The following DUOX2 variants were observed in gnomAD, a reference collection of about 807,000 sequenced individuals.
DUOX2 encodes the protein dual oxidase 2.
Under a neutral mutation model 183.3 loss-of-function variants are expected in DUOX2, and 185 were observed. The ratio of observed to expected loss-of-function variants is 1.01; its 90% CI spans 0.90 to 1.14. The LOEUF (loss-of-function observed/expected upper bound fraction) is 1.14, where lower values mean the gene tolerates loss of function less well. Among genes scored for constraint, DUOX2 ranks in the 50% most tolerant of loss-of-function variants. DUOX2 has a pLI of 0.00. For synonymous variants in DUOX2, 788 were observed against 812.4 expected, an observed-to-expected ratio of 0.97 and a Z score of 0.51; for missense variants, 1,999 against 2,022.9, an observed-to-expected ratio of 0.99 and a Z score of 0.23.
At chr15:45,101,575 T>C (rs1292758392) in intron 21 of DUOX2, 1 of 650,790 alleles carries the variant, frequency 1.5e-6, no homozygotes, top group East Asian at 2.7e-5. Flanking sequence ...TTGAGCAGTG[T>C]GTAGGATAGA....
In DUOX2 at chr15:45,108,948, G is replaced by A. The variant is rs139464830; in HGVS notation, c.1239C>T (p.Tyr413=). Residue 413 remains tyrosine, a synonymous_variant, in exon 12 of 34, where the codon TAC becomes TAT. Transcript: ENST00000389039. ...DNIVVEDLRD[Y]WPGPGKFSRT... is the part of the protein sequence containing the mutation. ...GGGAGAATTTGCCAGGGCCAGGCCA[G>A]TAATCTGAAGAGGAGAGAAGACTAG... 1.4e-4 allele frequency: 223 copies of A among 1,614,220 alleles called. 1 individual carries two copies. The African/African-American group carries it at 2.7e-3, about 20-fold the overall frequency.
At chr15:45,098,339 G>A (rs1010098701) in intron 26 of DUOX2, among the ~76,000 whole-genome samples, 1 of 152,176 alleles carries the variant, frequency 6.6e-6, no homozygotes, top group Non-Finnish European at 1.5e-5. Context: ...CTCCATGAGG[G>A]CAGGGATTTT....
At chr15:45,108,318 C>T (rs766982173) in intron 12 of DUOX2, 96 bp from the exon 13 acceptor site, 14 of 1,426,444 alleles carry the variant, frequency 9.8e-6, no homozygotes, top group Non-Finnish European at 1.4e-5. Flanking sequence ...CAGCCGCTGC[C>T]TGGCTGCTGC....
At position 45,100,085 on chromosome 15, in the gene DUOX2, G is replaced by A. The variant is rs777959469; in HGVS notation, c.3149C>T (p.Ala1050Val). 2.7e-5 allele frequency: 43 copies of A among 1,614,242 alleles called. No homozygotes were observed. Among genetic ancestry groups the A allele is most frequent in the Non-Finnish European group, 3.6e-5 (43 of 1,180,044 alleles). ...ATCTGCAAACACGCCAACACAGATG[G>A]CCGAGAAGATTGCCACACACACGAT... The part of the protein sequence containing the change: ...RHIVCVAIFS[A>V]ICVGVFADRA... The change falls in exon 24 of 34, where the codon GCC becomes GTC. Residue 1050 changes from alanine to valine, a missense_variant. By Grantham distance (64) the Ala-to-Val change is moderately conservative. Around this residue, in one of 3 missense-constraint regions of DUOX2, gnomAD observed 1,628 missense variants for 1,608.6 expected, o/e 1.01. Transcript: ENST00000389039.
rs1439124083 is a variant in DUOX2 at position 45,095,973 on chromosome 15, G to A, written c.3935C>T (p.Thr1312Ile). ...CAGTGTGAAGGGGTGGTACTCGGTG[G>A]TCCCCAGAGCCAGGCAGGCGATCCG... The part of the protein sequence containing the change: ...WVRIACLALG[T>I]TEYHPFTLTS... Residue 1312 changes from threonine to isoleucine, a missense_variant, in exon 30 of 34, where the codon ACC becomes ATC. Thr to Ile is a moderately conservative substitution (Grantham distance 89). This residue lies in a region of DUOX2 where 1,628 missense variants were observed against 1,608.6 expected (regional missense o/e 1.01). Coordinates refer to ENST00000389039, the MANE Select transcript of DUOX2 (RefSeq NM_001363711.2). 1.9e-6 allele frequency: 3 copies of A among 1,613,930 alleles called. No homozygotes were observed. The highest frequency in any genetic ancestry group is 2.7e-5 in the African/African-American group (2 of 74,862).
At position 45,112,601 on chromosome 15, in the gene DUOX2, G is replaced by T. The variant is rs766731683; in HGVS notation, c.278C>A (p.Ala93Asp). 1 of 1,612,896 alleles carries T rather than the reference G, an allele frequency of 6.2e-7. No individual in the cohort carries two copies. Among genetic ancestry groups the T allele is most frequent in the South Asian group, 1.1e-5 (1 of 91,072 alleles). Residue 93 changes from alanine to aspartate, a missense_variant, in exon 4 of 34, where the codon GCC (alanine) becomes GAC (aspartate). This residue lies in a region of DUOX2 where 356 missense variants were observed against 356.4 expected (regional missense o/e 1.00). Coordinates refer to ENST00000389039, the MANE Select transcript of DUOX2 (RefSeq NM_001363711.2). Reference sequence around the variant, plus strand: ...GCGGTTGTGGAGCGACGGCAGGCCGGCTATGCCCCGCGTGGCTGCGTTGCT... The same window carrying T: ...GCGGTTGTGGAGCGACGGCAGGCCGTCTATGCCCCGCGTGGCTGCGTTGCT... ...RLSNAATRGI[A>D]GLPSLHNRTV... is the part of the protein sequence containing the mutation.
Position 45,101,318 on chromosome 15 carries a change from C to T in DUOX2, c.2852-44G>A, listed in dbSNP as rs1434650262. The stretch of plus-strand genomic sequence containing the variant: ...GGCAGGACTGGCTTCCCCACAAGGG[C>T]AGTGGGGTAGGATGGGAGACTGTGC... On this transcript the variant is annotated intron_variant, in intron 21 of 33. Coordinates refer to ENST00000389039, the MANE Select transcript of DUOX2 (RefSeq NM_001363711.2). 9 of 1,545,490 alleles carry T rather than the reference C, an allele frequency of 5.8e-6. No individual in the cohort carries two copies. In the South Asian group the frequency reaches 6.8e-5, roughly 12 times the overall value.
chr15:45,108,643 T>C, intron 12 of DUOX2, 146 bp downstream of exon 12: 1 of 929,918 alleles, frequency 1.1e-6, no homozygotes, highest in South Asian at 1.5e-5. Flanking sequence ...ATTTACCAAC[T>C]ATGTCATCAG....
At chr15:45,100,516 G>A (rs1367878025) in intron 23 of DUOX2, 1 of 610,440 alleles carries the variant, frequency 1.6e-6, no homozygotes, top group East Asian at 2.8e-5. Flanking sequence ...AAGCAGGCAG[G>A]AGCCAGGAGA....
chr15:45,109,309 C>T, intron 11 of DUOX2: 1 of 601,450 alleles, frequency 1.7e-6, no homozygotes, highest in Non-Finnish European at 2.9e-6. Context: ...AATACTCAGA[C>T]ATAGTTAATT....
chr15:45,103,906 T>C, intron 20 of DUOX2, 54 bp downstream of exon 20: 3 of 1,598,338 alleles, frequency 1.9e-6, no homozygotes, highest in South Asian at 1.1e-5. Context: ...TGGACCTGTT[T>C]TCCTGTTTGA....
At position 45,109,938 on chromosome 15, in the gene DUOX2, A is replaced by G. The variant is rs1193576910; in HGVS notation, c.1083T>C (p.Phe361=). ...CHFRKVLNKG[F]QSSQALRVCN... is the part of the protein sequence containing the mutation. ...AGACCCTGAGAGCTTGGGAGCTTTGAAAACCCTTGTTCAGGACCTTCCGGA... is the reference window on the plus strand; with the variant it reads ...AGACCCTGAGAGCTTGGGAGCTTTGGAAACCCTTGTTCAGGACCTTCCGGA... The change falls in exon 10 of 34, where the codon TTT becomes TTC. Residue 361 remains phenylalanine (F), a synonymous_variant. Transcript: ENST00000389039. 6.2e-7 allele frequency: 1 copy of G among 1,613,992 alleles called. No homozygotes were observed. The highest frequency in any genetic ancestry group is 1.3e-5 in the African/African-American group (1 of 74,914).
chr15:45,109,657 C>G, intron 10 of DUOX2, 31 bp from the exon 11 acceptor site: 1 of 1,609,134 alleles, frequency 6.2e-7, no homozygotes, highest in Non-Finnish European at 8.5e-7. Context: ...CAAGATAGGC[C>G]TCTACCCAAA....
At chr15:45,105,090 G>C (rs772507922) in intron 18 of DUOX2, among the ~76,000 whole-genome samples, 3 of 152,206 alleles carry the variant, frequency 2.0e-5, no homozygotes, top group Non-Finnish European at 4.4e-5. Flanking sequence ...CAAAGTGCTG[G>C]GATTATAGGC....
In DUOX2 at chr15:45,112,701, G is replaced by C. The variant is rs771388706; in HGVS notation, c.178C>G (p.Arg60Gly). Residue 60 changes from arginine (R) to glycine (G), a missense_variant, in exon 4 of 34, where the codon CGC becomes GGC. Physicochemically the swap from Arg to Gly is moderately radical, Grantham distance 125 (BLOSUM62 -2). Around this residue, in one of 3 missense-constraint regions of DUOX2, gnomAD observed 356 missense variants for 356.4 expected, o/e 1.00. Coordinates refer to ENST00000389039, the MANE Select transcript of DUOX2 (RefSeq NM_001363711.2). ...RGAVGCRLQR[R>G]VPANYADGVY... Reference sequence around the variant, plus strand: ...CCGTCGGCGTAATTGGCTGGTACGCGGCGCTGCAACCGGCAGCCTGCGGAG... The same window carrying C: ...CCGTCGGCGTAATTGGCTGGTACGCCGCGCTGCAACCGGCAGCCTGCGGAG... 1 of 1,612,092 alleles carries C rather than the reference G, an allele frequency of 6.2e-7. No homozygotes were observed. Among genetic ancestry groups the C allele is most frequent in the East Asian group, 2.2e-5 (1 of 44,868 alleles).
In DUOX2 at chr15:45,104,287, C is replaced by T. The variant is rs756995727; in HGVS notation, c.2413G>A (p.Glu805Lys). The T allele has an allele frequency of 2.7e-5, 43 of 1,614,130 alleles. No individual in the cohort carries two copies. Among genetic ancestry groups the T allele is most frequent in the Non-Finnish European group, 3.6e-5 (42 of 1,179,998 alleles). ...TCGGCAAACTCGGCCCTGCTCAGCTCGCAGGTCAGGGCCTCCCGCACCTTC... is the reference window on the plus strand; with the variant it reads ...TCGGCAAACTCGGCCCTGCTCAGCTTGCAGGTCAGGGCCTCCCGCACCTTC... ...SQKVREALTC[E>K]LSRAEFAESL... Residue 805 changes from glutamate (E) to lysine (K), a missense_variant, in exon 19 of 34, where the codon GAG becomes AAG. By Grantham distance (56) the Glu-to-Lys change is moderately conservative. Coordinates refer to ENST00000389039, the MANE Select transcript of DUOX2 (RefSeq NM_001363711.2).
chr15:45,112,884 A>T, intron 3 of DUOX2, 103 bp downstream of exon 3: 2 of 1,545,910 alleles, frequency 1.3e-6, no homozygotes, highest in Non-Finnish European at 1.8e-6. Context: ...TAGGCAGCGG[A>T]GCTGCTGGGC....
rs769771905 is a variant in DUOX2 at position 45,095,613 on chromosome 15, A to T, written c.4081-18T>A. 1 of 1,613,788 alleles carries T rather than the reference A, an allele frequency of 6.2e-7. No individual in the cohort carries two copies. Among genetic ancestry groups the T allele is most frequent in the Non-Finnish European group, 8.5e-7 (1 of 1,179,944 alleles). On this transcript the variant is annotated intron_variant, in intron 30 of 33. Coordinates refer to ENST00000389039, the MANE Select transcript of DUOX2 (RefSeq NM_001363711.2). ...AGGTACAGCTGCCAAGAGAGGGGGG[A>T]GATGAAATGAGCCTGACCCTGCCCC...
Position 45,099,789 on chromosome 15 carries a change from A to G in DUOX2, c.3288T>C (p.Tyr1096=), listed in dbSNP as rs755674247. ...TAASVSFMFS[Y]ILLTMCRNLI... Reference sequence around the variant, plus strand: ...GGTTGCGGCACATGGTGAGCAAGATATAAGAGAACATGAAGGAGACGCTGG... The same window carrying G: ...GGTTGCGGCACATGGTGAGCAAGATGTAAGAGAACATGAAGGAGACGCTGG... Residue 1096 remains tyrosine, a synonymous_variant, in exon 25 of 34, where the codon TAT becomes TAC. Transcript: ENST00000389039. 3.7e-6 allele frequency: 6 copies of G among 1,614,216 alleles called. No individual in the cohort carries two copies. In the Admixed American group the frequency reaches 5.0e-5, roughly 13 times the overall value.
Sources: allele counts gnomAD v4.1 joint callset (sites outside exome capture counted in the v4.1 genomes callset), GRCh38; gene constraint gnomAD v4.1.1; regional missense constraint gnomAD v4.1.1; transcripts MANE v1.5; gene names NCBI Gene and HGNC (gene_info 2026-07-23, HGNC 2026-07-21).